The following SETD1B variants were observed in gnomAD, a reference collection of about 807,000 sequenced individuals.
The protein encoded by SETD1B is SET domain containing 1B, histone lysine methyltransferase, also known as histone-lysine N-methyltransferase SETD1B.
A neutral mutation model predicts 148.0 loss-of-function variants in SETD1B; 7 were observed. That is an observed-to-expected ratio of 0.05 (90% confidence interval 0.03 to 0.09). The LOEUF (loss-of-function observed/expected upper bound fraction) is 0.09, where lower values mean the gene tolerates loss of function less well. Among genes scored for constraint, SETD1B ranks in the 10% least tolerant of loss-of-function variants. SETD1B has a pLI of 1.00. For missense variants in SETD1B, 2,155 were observed against 2,729.9 expected (o/e 0.79, Z 4.69); for synonymous variants, 1,361 against 1,186.5 (o/e 1.15, Z -3.02).
At position 121,827,512 on chromosome 12, in the gene SETD1B, A is replaced by T; in HGVS notation, c.5338-7A>T. 3.3e-6 allele frequency: 5 copies of T among 1,532,776 alleles called. No homozygotes were observed. The highest frequency in any genetic ancestry group is 4.4e-6 in the Non-Finnish European group (5 of 1,139,626). 94.9% of individuals were successfully genotyped at this position (1,532,776 alleles called of 1,614,324 possible). A position where few individuals can be genotyped will look rare whatever the true frequency, so the allele number is the denominator to read the frequency against. On this transcript the variant is annotated splice_region_variant and splice_polypyrimidine_tract_variant and intron_variant, in intron 13 of 16. Coordinates refer to ENST00000604567, the MANE Select transcript of SETD1B (RefSeq NM_001353345.2). Reference sequence around the variant, plus strand: ...CTCCGCTGAGCCCCGCACACCGTCCACTGCAGGGCATGAGCATCCCAGCAC... The same window carrying T: ...CTCCGCTGAGCCCCGCACACCGTCCTCTGCAGGGCATGAGCATCCCAGCAC...
At chr12:121,820,073 C>T (rs912675616) in intron 11 of SETD1B, among the ~76,000 whole-genome samples, 178 bp downstream of exon 11, 1 of 152,234 alleles carries the variant, frequency 6.6e-6, no homozygotes, top group Non-Finnish European at 1.5e-5. Flanking sequence ...GGTGCCAGCA[C>T]TGAGCCTGGC....
chr12:121,797,202 G>C, the SETD1B span: 10 of 352,652 alleles, frequency 2.8e-5, no homozygotes, highest in Admixed American at 3.5e-4. Flanking sequence ...CAGAGGGTCC[G>C]AAAGGTCATG....
Position 121,814,206 on chromosome 12 carries a change from C to T in SETD1B, c.1991C>T (p.Pro664Leu), listed in dbSNP as rs1216276244. The T allele has an allele frequency of 6.5e-7, 1 of 1,542,844 alleles. No homozygotes were observed. The highest frequency in any genetic ancestry group is 1.2e-5 in the South Asian group (1 of 83,794). The change falls in exon 7 of 17, where the codon CCA becomes CTA. Residue 664 changes from proline to leucine, a missense_variant. Pro to Leu is a moderately conservative substitution (Grantham distance 98, BLOSUM62 -3). Transcript: ENST00000604567. The stretch of plus-strand genomic sequence containing the variant: ...TGCCCCAAGCCCATGGTGGTGACCC[C>T]AGGAGCGGCAGCCGTGGCAGCCCCT... The part of the protein sequence containing the change: ...ADCPKPMVVT[P>L]GAAAVAAPSV...
At chr12:121,793,234 G>A in the SETD1B span, 14 of 1,550,808 alleles carry the variant, frequency 9.0e-6, no homozygotes, top group African/African-American at 2.7e-5. Context: ...CCGATGGGGC[G>A]TAGTGCTGCG....
In SETD1B at chr12:121,817,818, G is replaced by C. The variant is rs1442005447; in HGVS notation, c.3332G>C (p.Ser1111Thr). ...TSDKDDDDDDSDDRDESENDD... is the reference protein window; with the variant it reads ...TSDKDDDDDDTDDRDESENDD... ...CCCCAGGATGACGACGATGACGACA[G>C]TGATGACCGGGACGAGTCTGAGAAC... is the stretch of plus-strand genomic sequence containing the variant. Residue 1111 changes from serine to threonine, a missense_variant, in exon 10 of 17, where the codon AGT becomes ACT. By Grantham distance (58) the Ser-to-Thr change is moderately conservative. This residue lies in a region of SETD1B where 862 missense variants were observed against 873.8 expected (regional missense o/e 0.99). Coordinates refer to ENST00000604567, the MANE Select transcript of SETD1B (RefSeq NM_001353345.2). This position sits in a 1 kb window ranked among gnomAD's most constrained non-coding sequence, Gnocchi z 8.1. 7 of 1,550,822 alleles carry C rather than the reference G, an allele frequency of 4.5e-6. No homozygotes were observed. The Admixed American group carries it at 1.4e-4, about 30-fold the overall frequency.
Position 121,808,423 on chromosome 12 carries a change from C to A in SETD1B, c.657+103C>A, listed in dbSNP as rs370925122. 1 of 699,082 alleles carries A rather than the reference C, an allele frequency of 1.4e-6. No individual in the cohort carries two copies. The highest frequency in any genetic ancestry group is 1.8e-5 in the South Asian group (1 of 56,952). 43.3% of individuals were successfully genotyped at this position (699,082 alleles called of 1,614,324 possible). ...TCTTATGGGACCCCCAGCCTACCCC[C>A]ACCTCACTCCAGCTTTGGAGACCAA... is the stretch of plus-strand genomic sequence containing the variant. On this transcript the variant is annotated intron_variant, in intron 5 of 16. Coordinates refer to ENST00000604567, the MANE Select transcript of SETD1B (RefSeq NM_001353345.2). This position sits in a 1 kb window ranked among gnomAD's most constrained non-coding sequence, Gnocchi z 5.3.
chr12:121,820,808 C>T (rs1433829724), intron 11 of SETD1B, among the ~76,000 whole-genome samples: 2 of 152,252 alleles, frequency 1.3e-5, no homozygotes, highest in South Asian at 2.1e-4. Context: ...GCTGGGATTA[C>T]AGGCGTGAGC....
Position 121,817,625 on chromosome 12 carries a change from AGGAGGC to A in SETD1B, c.3239_3244del (p.Ala1080_Glu1081del), listed in dbSNP as rs778379348. 3.9e-5 allele frequency: 60 copies of A among 1,551,420 alleles called. No homozygotes were observed. The African/African-American group carries it at 7.5e-4, about 19-fold the overall frequency. ...GAACAGGAGAGCACCGAGGAGGAAGAGGAGGCGGAGGAGGAGGAGGAGGAGGAAGTC... is the reference window on the plus strand; with the variant it reads ...GAACAGGAGAGCACCGAGGAGGAAGAGGAGGAGGAGGAGGAGGAGGAAGTC... On this transcript the variant is annotated inframe_deletion, in exon 9 of 17. Coordinates refer to ENST00000604567, the MANE Select transcript of SETD1B (RefSeq NM_001353345.2). The surrounding 1 kb of genome is among the most constrained non-coding windows in gnomAD (Gnocchi z 8.1).
the SETD1B span, chr12:121,793,151 C>A: frequency 3.2e-6 from 5 of 1,549,792 alleles, no homozygotes; most frequent in South Asian, 1.2e-5. Context: ...GGCGCACTCA[C>A]CGGCCGTGTC....
At chr12:121,791,269 G>A in the SETD1B span, among the ~76,000 whole-genome samples, 2 of 152,170 alleles carry the variant, frequency 1.3e-5, no homozygotes, top group South Asian at 2.1e-4. Context: ...GGGATTACAG[G>A]TGCCCACCAC....
intron 12 of SETD1B, among the ~76,000 whole-genome samples, chr12:121,824,054 C>T (rs1045907430): frequency 3.9e-5 from 6 of 152,236 alleles, no homozygotes; most frequent in African/African-American, 1.4e-4. Flanking sequence ...CGCAGGGCCT[C>T]CTTGTCCTGT....
the SETD1B span, among the ~76,000 whole-genome samples, chr12:121,791,004 G>C: frequency 1.3e-5 from 2 of 152,170 alleles, no homozygotes; most frequent in Admixed American, 6.5e-5. Context: ...CTTCCGAGTA[G>C]CTGGGACTAT....
intron 11 of SETD1B, 114 bp downstream of exon 11, chr12:121,820,009 C>A: frequency 1.1e-6 from 1 of 893,352 alleles, no homozygotes; most frequent in South Asian, 1.6e-5. Context: ...CCTCAGTTTC[C>A]CGTGTAAAAC....
rs528404121 is a variant in SETD1B, at chr12:121,831,731, A to G, written c.*1492A>G. On this transcript the variant is annotated 3_prime_UTR_variant, in exon 17 of 17. Coordinates refer to ENST00000604567, the MANE Select transcript of SETD1B (RefSeq NM_001353345.2). ...CTGTTGTGACCCGGAGTCCTCATCAAGATGAGCGCGCTCCATGAGGGAGCT... is the reference window on the plus strand; with the variant it reads ...CTGTTGTGACCCGGAGTCCTCATCAGGATGAGCGCGCTCCATGAGGGAGCT... 6.6e-6 allele frequency: 1 copy of G among 152,360 alleles called. No individual in the cohort carries two copies. Among genetic ancestry groups the G allele is most frequent in the African/African-American group, 2.4e-5 (1 of 41,594 alleles). The allele number at this position is 152,360 out of a possible 1,614,324, so 9.4% of individuals were successfully genotyped here.
intron 11 of SETD1B, among the ~76,000 whole-genome samples, chr12:121,822,132 G>GA (rs1356252422): frequency 6.6e-6 from 1 of 152,102 alleles, no homozygotes; most frequent in Non-Finnish European, 1.5e-5. Flanking sequence ...TAAGTGCTAG[G>GA]AAAAAAATCC....
chr12:121,814,039 G>C, intron 6 of SETD1B, 67 bp from the exon 7 acceptor site: 2 of 1,305,474 alleles, frequency 1.5e-6, no homozygotes, highest in East Asian at 5.2e-5. Flanking sequence ...TAGTCTTGCA[G>C]AGGGGACTCC....
Position 121,823,013 on chromosome 12 carries a change from T to TCCCCTG in SETD1B, c.4438_4443dup (p.Pro1483_Leu1484dup). ...CGGGCCTGCCCCTCCCTCTGCCCCT[T>TCCCCTG]CCCCTGCCCTTGCCCTTGGCATTGC... On this transcript the variant is annotated inframe_insertion, in exon 12 of 17. Transcript: ENST00000604567. 1 of 1,520,740 alleles carries TCCCCTG rather than the reference T, an allele frequency of 6.6e-7. No homozygotes were observed. The highest frequency in any genetic ancestry group is 8.8e-7 in the Non-Finnish European group (1 of 1,135,752). The allele number at this position is 1,520,740 out of a possible 1,614,324, so 94.2% of individuals were successfully genotyped here.
chr12:121,814,677 T>C lies in SETD1B; in HGVS notation c.2462T>C (p.Phe821Ser). 3.2e-6 allele frequency: 5 copies of C among 1,549,702 alleles called. No homozygotes were observed. Among genetic ancestry groups the C allele is most frequent in the Non-Finnish European group, 4.4e-6 (5 of 1,146,714 alleles). ...FVNLPPYRGP[F>S]SLSNSGPGRG... is the part of the protein sequence containing the mutation. ...AACCTGCCGCCCTACCGGGGCCCCT[T>C]CTCCCTGAGCAACTCCGGCCCAGGC... Residue 821 changes from phenylalanine (F) to serine (S), a missense_variant, in exon 7 of 17, where the codon TTC becomes TCC. Around this residue, in one of 11 missense-constraint regions of SETD1B, gnomAD observed 289 missense variants for 423.7 expected, o/e 0.68. Transcript: ENST00000604567.
rs748083814 is a variant in SETD1B at position 121,823,159 on chromosome 12, C to T, written c.4580C>T (p.Pro1527Leu). 7.1e-6 allele frequency: 11 copies of T among 1,544,222 alleles called. No individual in the cohort carries two copies. The South Asian group carries it at 1.2e-4, about 17-fold the overall frequency. ...CCGGGCCGGCCCCGGCGATCCCCAC[C>T]ATCTATGCTCTCCTTGGATGGGCCC... ...RKPGRPRRSPPSMLSLDGPLV... is the reference protein window; with the variant it reads ...RKPGRPRRSPLSMLSLDGPLV... The change falls in exon 12 of 17, where the codon CCA (proline) becomes CTA (leucine). Residue 1527 changes from proline to leucine, a missense_variant. Coordinates refer to ENST00000604567, the MANE Select transcript of SETD1B (RefSeq NM_001353345.2).
Sources: allele counts gnomAD v4.1 joint callset (sites outside exome capture counted in the v4.1 genomes callset), GRCh38; gene constraint gnomAD v4.1.1; regional missense constraint gnomAD v4.1.1; non-coding constraint Gnocchi (gnomAD v3.1); transcripts MANE v1.5; gene names NCBI Gene and HGNC (gene_info 2026-07-23, HGNC 2026-07-21).